The following SLC7A2 variants were observed in gnomAD, a reference collection of about 807,000 sequenced individuals.
SLC7A2 encodes the protein cationic amino acid transporter 2.
SLC7A2 carries 48 observed loss-of-function variants against 58.9 expected under a neutral mutation model. That is an observed-to-expected ratio of 0.82 (90% CI 0.65 to 1.04). The LOEUF (loss-of-function observed/expected upper bound fraction) is 1.04, where lower values mean the gene tolerates loss of function less well. Ranked by LOEUF, SLC7A2 falls within the 50% of genes least tolerant of loss-of-function variation. SLC7A2 has a pLI of 0.00. For synonymous variants in SLC7A2, 363 were observed against 314.5 expected (o/e 1.15, Z -1.63); for missense variants, 1,029 against 818.8 (o/e 1.26, Z -3.13).
At chr8:17,501,623 C>T (rs1246024366) in intron 1 of SLC7A2, among the ~76,000 whole-genome samples, 1 of 151,568 alleles carries the variant, frequency 6.6e-6, no homozygotes, top group East Asian at 1.9e-4. Context: ...CTTTATACAC[C>T]CAAGACTGAA....
chr8:17,551,101 A>G (rs1172002233), intron 6 of SLC7A2, among the ~76,000 whole-genome samples: 2 of 152,288 alleles, frequency 1.3e-5, no homozygotes, highest in Admixed American at 6.5e-5. Context: ...CTGTAGATGA[A>G]TCATTTTCCA....
At chr8:17,509,391 C>T (rs1048231383) in intron 2 of SLC7A2, among the ~76,000 whole-genome samples, 11 of 152,054 alleles carry the variant, frequency 7.2e-5, no homozygotes, top group African/African-American at 2.2e-4. Flanking sequence ...TTGCAACCTC[C>T]GCCTCCCTGG....
rs915348947 is a variant in SLC7A2 at position 17,570,040 on chromosome 8, A to G, written c.*4894A>G. The G allele has an allele frequency of 6.6e-6, 1 of 152,210 alleles. No homozygotes were observed. Among genetic ancestry groups the G allele is most frequent in the African/African-American group, 2.4e-5 (1 of 41,454 alleles). The allele number at this position is 152,210 out of a possible 1,614,324, so 9.4% of individuals were successfully genotyped here. A position where few individuals can be genotyped will look rare whatever the true frequency, so the allele number is the denominator to read the frequency against. On this transcript the variant is annotated 3_prime_UTR_variant, in exon 13 of 13. Coordinates refer to ENST00000494857, the MANE Select transcript of SLC7A2 (RefSeq NM_001370338.1). ...ATCCCATGAGTATATCAAGATGAAT[A>G]AGGACCAAGGGACCTCTGTGACTCA...
chr8:17,514,031 A>G (rs1800704811), intron 2 of SLC7A2, among the ~76,000 whole-genome samples: 1 of 152,176 alleles, frequency 6.6e-6, no homozygotes, highest in African/African-American at 2.4e-5. Flanking sequence ...TAGCATGTAA[A>G]TATCACTGAC....
At chr8:17,539,041 C>A in intron 2 of SLC7A2, 2 of 827,914 alleles carry the variant, frequency 2.4e-6, no homozygotes, top group Non-Finnish European at 1.9e-6. Flanking sequence ...CAACTTCAAA[C>A]TTTTGAACTA....
intron 2 of SLC7A2, among the ~76,000 whole-genome samples, chr8:17,513,370 G>C (rs569530986): frequency 6.6e-6 from 1 of 152,044 alleles, no homozygotes; most frequent in Non-Finnish European, 1.5e-5. Context: ...ACTGAAGTCT[G>C]AAGGGTTTTT....
At chr8:17,557,268 T>C (rs1802751008) in intron 8 of SLC7A2, among the ~76,000 whole-genome samples, 1 of 152,202 alleles carries the variant, frequency 6.6e-6, no homozygotes, top group African/African-American at 2.4e-5. Context: ...CACAGAAAAC[T>C]ATATGCTAAA....
intron 2 of SLC7A2, among the ~76,000 whole-genome samples, chr8:17,508,035 A>G (rs180676418): frequency 1.3e-5 from 2 of 152,264 alleles, no homozygotes; most frequent in Non-Finnish European, 2.9e-5. Flanking sequence ...TTTCAACCTC[A>G]TAAATGGTGC....
At position 17,565,490 on chromosome 8, in the gene SLC7A2, C is replaced by T; in HGVS notation, c.*344C>T. ...TTGTGTTACATTTTTCCAGTGTCGT[C>T]ATTAATCGGTGGCATATACTGCACA... On this transcript the variant is annotated 3_prime_UTR_variant, in exon 13 of 13. Coordinates refer to ENST00000494857, the MANE Select transcript of SLC7A2 (RefSeq NM_001370338.1). 5.0e-6 allele frequency: 1 copy of T among 201,458 alleles called. No individual in the cohort carries two copies. The highest frequency in any genetic ancestry group is 1.0e-5 in the Non-Finnish European group (1 of 98,616). The allele number at this position is 201,458 out of a possible 1,614,324, so 12.5% of individuals were successfully genotyped here.
At position 17,547,200 on chromosome 8, in the gene SLC7A2, G is replaced by A. The variant is rs183994654; in HGVS notation, c.533-1478G>A. 4.9e-3 allele frequency among the ~76,000 whole-genome samples: 742 copies of A among 152,192 alleles called. 5 individuals are homozygous for A. Among genetic ancestry groups the A allele is most frequent in the African/African-American group, 0.017 (711 of 41,544 alleles). ...GGACTCACAGTTCCACATGGTTGGG[G>A]AGGCCTCACAGTCATGGTGGAAGGT... On this transcript the variant is annotated intron_variant, in intron 4 of 12. Coordinates refer to ENST00000494857, the MANE Select transcript of SLC7A2 (RefSeq NM_001370338.1).
At chr8:17,536,199 C>T (rs1320199079) in intron 2 of SLC7A2, among the ~76,000 whole-genome samples, 1 of 152,076 alleles carries the variant, frequency 6.6e-6, no homozygotes. Flanking sequence ...ACATGCTCCT[C>T]ATTCCAACAG....
chr8:17,544,129 C>G (rs1802052843), intron 3 of SLC7A2, among the ~76,000 whole-genome samples: 2 of 152,192 alleles, frequency 1.3e-5, no homozygotes, highest in South Asian at 4.1e-4. Context: ...CTCGGCCTCC[C>G]AAAGTGCTGG....
intron 1 of SLC7A2, among the ~76,000 whole-genome samples, 153 bp from the exon 2 acceptor site, chr8:17,502,104 A>G (rs946054954): frequency 6.6e-6 from 1 of 151,532 alleles, no homozygotes; most frequent in African/African-American, 2.4e-5. Flanking sequence ...TGTATATATA[A>G]TTATATATAT....
rs1386098779 is a variant in SLC7A2 at position 17,560,466 on chromosome 8, C to T, written c.1437C>T (p.Leu479=). 1.9e-6 allele frequency: 3 copies of T among 1,613,948 alleles called. No individual in the cohort carries two copies. Among genetic ancestry groups the T allele is most frequent in the African/African-American group, 1.3e-5 (1 of 74,926 alleles). Residue 479 remains leucine (L), a synonymous_variant, in exon 10 of 13, where the codon CTC becomes CTT. Coordinates refer to ENST00000494857, the MANE Select transcript of SLC7A2 (RefSeq NM_001370338.1). ...GACAGGGCTTCAGCATGCGGACCCT[C>T]TTCTGCCCCTCCCTTCTGCCAACAC... is the stretch of plus-strand genomic sequence containing the variant. ...LQRQGFSMRT[L]FCPSLLPTQQ...
intron 4 of SLC7A2, among the ~76,000 whole-genome samples, chr8:17,546,747 C>CT (rs35949792): frequency 6.6e-6 from 1 of 152,002 alleles, no homozygotes. Flanking sequence ...GAAAAATTTG[C>CT]TTTTTTGATG....
At chr8:17,523,516 A>G (rs1801100096) in intron 2 of SLC7A2, among the ~76,000 whole-genome samples, 1 of 152,192 alleles carries the variant, frequency 6.6e-6, no homozygotes, top group South Asian at 2.1e-4. Context: ...GTGGGGAAAG[A>G]ACACCCTTTT....
intron 2 of SLC7A2, among the ~76,000 whole-genome samples, chr8:17,534,302 G>T (rs939764756): frequency 5.3e-5 from 8 of 152,214 alleles, no homozygotes; most frequent in Non-Finnish European, 1.0e-4. Flanking sequence ...ATATTGAGTG[G>T]TTTGATTTTT....
intron 2 of SLC7A2, among the ~76,000 whole-genome samples, chr8:17,517,004 A>G (rs773950493): frequency 1.1e-4 from 17 of 152,232 alleles, no homozygotes; most frequent in Non-Finnish European, 2.4e-4. Context: ...AATAGGGGAC[A>G]GAAAAGTTGC....
rs771035850 is a variant in SLC7A2, at chr8:17,543,707, A to G, written c.368A>G (p.Tyr123Cys). The change falls in exon 3 of 13, where the codon TAT becomes TGT. Residue 123 changes from tyrosine (Y) to cysteine (C), a missense_variant. By Grantham distance (194) the Tyr-to-Cys change is radical (BLOSUM62 -2). Coordinates refer to ENST00000494857, the MANE Select transcript of SLC7A2 (RefSeq NM_001370338.1). ...FITGWNLILS[Y>C]VIGTSSVARA... ...ACTGGCTGGAATCTCATTTTATCGTATGTGATAGGTATGTTTCAAAAAGAA... is the reference window on the plus strand; with the variant it reads ...ACTGGCTGGAATCTCATTTTATCGTGTGTGATAGGTATGTTTCAAAAAGAA... 22 of 1,518,066 alleles carry G rather than the reference A, an allele frequency of 1.4e-5. No individual in the cohort carries two copies. The highest frequency in any genetic ancestry group is 1.8e-5 in the Non-Finnish European group (20 of 1,134,520). The allele number at this position is 1,518,066 out of a possible 1,614,324, so 94.0% of individuals were successfully genotyped here.
Sources: gnomAD v4.1 joint callset for allele counts (sites outside exome capture counted in the v4.1 genomes callset) on GRCh38, gnomAD v4.1.1 for gene constraint, MANE v1.5 for transcripts, NCBI Gene and HGNC (gene_info 2026-07-23, HGNC 2026-07-21) for gene names.